The following RBFOX1 variants were observed in gnomAD, a reference collection of about 807,000 sequenced individuals.
RBFOX1 encodes RNA binding protein fox-1 homolog 1.
RBFOX1 carries 8 observed loss-of-function variants against 57.7 expected under a neutral mutation model. The observed-to-expected ratio is 0.14, with a 90% CI of 0.08 to 0.25. RBFOX1 has a LOEUF of 0.25. Among genes scored for constraint, RBFOX1 ranks in the 10% least tolerant of loss-of-function variants. The probability of loss-of-function intolerance (pLI) is 1.00; values close to 1 mark genes in which losing one functional copy is unlikely to be tolerated. For missense variants in RBFOX1, 611 were observed against 548.5 expected, an observed-to-expected ratio of 1.11 and a Z score of -1.14; for synonymous variants, 326 against 222.4, an observed-to-expected ratio of 1.47 and a Z score of -4.15.
At chr16:5,765,981 C>T (rs1444046096) in intron 3 of RBFOX1, among the ~76,000 whole-genome samples, 2 of 152,154 alleles carry the variant, frequency 1.3e-5, no homozygotes, top group African/African-American at 2.4e-5. Flanking sequence ...CTGGGGTGCT[C>T]AGGTTGATTT....
At chr16:6,809,036 A>G (rs918963597) in intron 3 of RBFOX1, among the ~76,000 whole-genome samples, 6 of 152,166 alleles carry the variant, frequency 3.9e-5, no homozygotes, top group African/African-American at 7.2e-5. Flanking sequence ...ACCTGTAACA[A>G]TAGTTGAGTC....
intron 2 of RBFOX1, among the ~76,000 whole-genome samples, chr16:6,468,218 T>G (rs2095094736): frequency 6.6e-6 from 1 of 152,144 alleles, no homozygotes; most frequent in Non-Finnish European, 1.5e-5. Context: ...CTATTTGGCC[T>G]ATGTCTCTTT....
intron 4 of RBFOX1, among the ~76,000 whole-genome samples, chr16:7,403,563 C>T (rs1385597393): frequency 6.0e-4 from 5 of 8,328 alleles, no homozygotes; most frequent in Non-Finnish European, 1.6e-3. Flanking sequence ...ATGAGAGAAT[C>T]CCCCCCCCCC....
At chr16:6,603,149 G>C (rs533824202) in intron 2 of RBFOX1, among the ~76,000 whole-genome samples, 2 of 152,294 alleles carry the variant, frequency 1.3e-5, no homozygotes, top group South Asian at 4.1e-4. Flanking sequence ...CAGATCTAAA[G>C]AGAGACCACA....
intron 3 of RBFOX1, among the ~76,000 whole-genome samples, chr16:6,715,475 G>T (rs1372978228): frequency 2.6e-5 from 4 of 152,174 alleles, no homozygotes; most frequent in African/African-American, 7.2e-5. Context: ...AATTGGCAAG[G>T]AAGGAGGTTA....
At chr16:6,417,996 T>C (rs1157724377) in intron 2 of RBFOX1, among the ~76,000 whole-genome samples, 1 of 151,932 alleles carries the variant, frequency 6.6e-6, no homozygotes, top group Non-Finnish European at 1.5e-5. Context: ...AATGAATGAA[T>C]GAATGATCAA....
intron 4 of RBFOX1, among the ~76,000 whole-genome samples, chr16:7,290,432 G>A (rs571910945): frequency 6.6e-6 from 1 of 152,298 alleles, no homozygotes; most frequent in East Asian, 1.9e-4. Flanking sequence ...AATCTGGAAT[G>A]TAAGCTCCAT....
At chr16:5,712,982 T>C (rs1308519053) in intron 3 of RBFOX1, among the ~76,000 whole-genome samples, 1 of 152,134 alleles carries the variant, frequency 6.6e-6, no homozygotes, top group Non-Finnish European at 1.5e-5. Flanking sequence ...ATCCTTGTAG[T>C]AGTACATGCT....
intron 3 of RBFOX1, among the ~76,000 whole-genome samples, chr16:5,839,249 A>G (rs1019271149): frequency 1.3e-5 from 2 of 152,152 alleles, no homozygotes; most frequent in Admixed American, 1.3e-4. Flanking sequence ...TCTGTTCAAT[A>G]CTTATGAGGG....
intron 3 of RBFOX1, among the ~76,000 whole-genome samples, chr16:5,754,391 G>A (rs59824453): frequency 0.44 from 66,750 of 151,874 alleles, 14,882 homozygotes; most frequent in East Asian, 0.58. Flanking sequence ...TGATTGATGT[G>A]GGGGTGGGTT....
At chr16:7,511,625 T>G (rs989134190) in intron 4 of RBFOX1, among the ~76,000 whole-genome samples, 1 of 152,190 alleles carries the variant, frequency 6.6e-6, no homozygotes, top group African/African-American at 2.4e-5. Context: ...AATGACTTTT[T>G]TTTTTGCTTT....
chr16:6,752,566 G>C (rs1042612286), intron 3 of RBFOX1, among the ~76,000 whole-genome samples: 2 of 152,182 alleles, frequency 1.3e-5, no homozygotes, highest in African/African-American at 4.8e-5. Flanking sequence ...AGAATAGAGT[G>C]ATACTCTTCA....
intron 3 of RBFOX1, among the ~76,000 whole-genome samples, chr16:6,928,566 A>G (rs1249593391): frequency 6.6e-6 from 1 of 152,100 alleles, no homozygotes; most frequent in Non-Finnish European, 1.5e-5. Context: ...GCCCAAGGAA[A>G]TTATAAATTC....
chr16:6,662,206 A>C (rs1273830327), intron 3 of RBFOX1, among the ~76,000 whole-genome samples: 4 of 152,184 alleles, frequency 2.6e-5, no homozygotes, highest in African/African-American at 4.8e-5. Context: ...TAGATAACTA[A>C]TGTACAGCAC....
At chr16:6,285,062 G>A (rs1437710972) in intron 1 of RBFOX1, among the ~76,000 whole-genome samples, 1 of 152,104 alleles carries the variant, frequency 6.6e-6, no homozygotes, top group Non-Finnish European at 1.5e-5. Flanking sequence ...TCGCAGGAAT[G>A]TTGATTTCTT....
At chr16:5,817,867 T>G (rs2151796804) in intron 3 of RBFOX1, among the ~76,000 whole-genome samples, 1 of 152,096 alleles carries the variant, frequency 6.6e-6, no homozygotes, top group Middle Eastern at 3.4e-3. Flanking sequence ...ATTTTTTGTA[T>G]TTTTAGTAGA....
chr16:5,276,645 T>C (rs2063149074), intron 1 of RBFOX1, among the ~76,000 whole-genome samples: 1 of 152,130 alleles, frequency 6.6e-6, no homozygotes, highest in Admixed American at 6.6e-5. Flanking sequence ...TAGCCGGGCA[T>C]GGTGGCGGTT....
intron 4 of RBFOX1, among the ~76,000 whole-genome samples, chr16:7,351,268 C>G (rs149299267): frequency 2.5e-4 from 38 of 152,270 alleles, no homozygotes; most frequent in African/African-American, 7.5e-4. Flanking sequence ...TCATTCGTAC[C>G]TAAAATAGAG....
chr16:5,908,109 TACAC>T lies in RBFOX1; in HGVS notation c.351+40776_351+40779del, dbSNP rs1567133500. 7.2e-5 allele frequency among the ~76,000 whole-genome samples: 10 copies of T among 139,312 alleles called. 1 individual carries two copies. Among genetic ancestry groups the T allele is most frequent in the Admixed American group, 4.2e-4 (6 of 14,226 alleles). The allele number at this position is 139,312 out of a possible 152,430, so 91.4% of individuals were successfully genotyped here. On this transcript the variant is annotated intron_variant, in intron 4 of 19. Transcript: ENST00000641259. ...ATACACATATATACACATATATATA[TACAC>T]ATATATACACATATATATATACACA... is the stretch of plus-strand genomic sequence containing the variant.
Sources: allele counts gnomAD v4.1 joint callset (sites outside exome capture counted in the v4.1 genomes callset), GRCh38; gene constraint gnomAD v4.1.1; transcripts MANE v1.5; gene names NCBI Gene and HGNC (gene_info 2026-07-23, HGNC 2026-07-21).